Variants in FAM135B observed in about 807,000 individuals in gnomAD.
The protein encoded by FAM135B is family with sequence similarity 135 member B.
Under a neutral mutation model 127.7 loss-of-function variants are expected in FAM135B, and 43 were observed. The ratio of observed to expected loss-of-function variants is 0.34; its 90% CI spans 0.26 to 0.43. The LOEUF is 0.43. Ranked by LOEUF, FAM135B falls within the 20% of genes least tolerant of loss-of-function variation. The pLI is 1.00. For missense variants in FAM135B, 1,558 were observed against 1,725.6 expected, an observed-to-expected ratio of 0.90 and a Z score of 1.72; for synonymous variants, 670 against 665.1, an observed-to-expected ratio of 1.01 and a Z score of -0.11.
chr8:138,276,287 T>C (rs1205778989), intron 3 of FAM135B, among the ~76,000 whole-genome samples: 1 of 152,196 alleles, frequency 6.6e-6, no homozygotes, highest in East Asian at 1.9e-4. Flanking sequence ...TAGTCGCAAT[T>C]GCAGCTAATC....
intron 1 of FAM135B, among the ~76,000 whole-genome samples, chr8:138,394,746 A>G (rs1832768144): frequency 6.6e-6 from 1 of 152,172 alleles, no homozygotes; most frequent in South Asian, 2.1e-4. Context: ...CTGAAGACAC[A>G]GGCTCAGACT....
At chr8:138,342,836 A>G (rs1829147655) in intron 2 of FAM135B, among the ~76,000 whole-genome samples, 1 of 152,212 alleles carries the variant, frequency 6.6e-6, no homozygotes, top group Non-Finnish European at 1.5e-5. Flanking sequence ...ATGTCAGCAC[A>G]CAAGCATGTA....
At chr8:138,227,225 A>G (rs998900963) in intron 7 of FAM135B, among the ~76,000 whole-genome samples, 3 of 152,228 alleles carry the variant, frequency 2.0e-5, no homozygotes, top group Non-Finnish European at 4.4e-5. Flanking sequence ...ATGGATGCTC[A>G]TCTTTGCCCT....
At chr8:138,167,439 G>C (rs1486502389) in intron 12 of FAM135B, among the ~76,000 whole-genome samples, 1 of 152,104 alleles carries the variant, frequency 6.6e-6, no homozygotes, top group African/African-American at 2.4e-5. Context: ...CAGTTGATCT[G>C]CCCACCTCGG....
chr8:138,488,736 G>A (rs1486375604), intron 1 of FAM135B, among the ~76,000 whole-genome samples: 9 of 152,022 alleles, frequency 5.9e-5, no homozygotes, highest in African/African-American at 9.7e-5. Flanking sequence ...GTGCAATCTC[G>A]GCTCACTGCA....
At chr8:138,399,276 A>G (rs906610574) in intron 1 of FAM135B, among the ~76,000 whole-genome samples, 3 of 152,162 alleles carry the variant, frequency 2.0e-5, no homozygotes, top group African/African-American at 7.2e-5. Context: ...CAGCAACCCT[A>G]TAAGATGTGA....
chr8:138,494,212 C>G (rs1208350813), intron 1 of FAM135B, among the ~76,000 whole-genome samples: 1 of 152,240 alleles, frequency 6.6e-6, no homozygotes, highest in Non-Finnish European at 1.5e-5. Flanking sequence ...GCCACACAGA[C>G]CGAGATGGCA....
intron 5 of FAM135B, among the ~76,000 whole-genome samples, chr8:138,255,484 C>G (rs1822008643): frequency 6.6e-6 from 1 of 152,180 alleles, no homozygotes; most frequent in South Asian, 2.1e-4. Context: ...GTGCTCAACT[C>G]ATTCTGCAAA....
chr8:138,281,813 T>A (rs1033804964), intron 3 of FAM135B, among the ~76,000 whole-genome samples: 7 of 152,170 alleles, frequency 4.6e-5, no homozygotes, highest in Admixed American at 2.0e-4. Context: ...TTTTAAAAAA[T>A]TTTTAAATTA....
chr8:138,387,610 G>A (rs1388047911), intron 1 of FAM135B, among the ~76,000 whole-genome samples: 1 of 152,110 alleles, frequency 6.6e-6, no homozygotes, highest in Non-Finnish European at 1.5e-5. Flanking sequence ...ATTTCTTGGA[G>A]CTCCTGTTAT....
At chr8:138,452,838 T>G (rs1398337305) in intron 1 of FAM135B, among the ~76,000 whole-genome samples, 1 of 152,110 alleles carries the variant, frequency 6.6e-6, no homozygotes, top group African/African-American at 2.4e-5. Context: ...TGGTGGCAGG[T>G]GCCCTAGTTT....
At chr8:138,317,089 T>C (rs1489035263) in intron 2 of FAM135B, among the ~76,000 whole-genome samples, 2 of 152,066 alleles carry the variant, frequency 1.3e-5, no homozygotes, top group Non-Finnish European at 2.9e-5. Context: ...TTGTTCAAAA[T>C]GTTTAGAGAA....
In FAM135B at chr8:138,137,319, C is replaced by T. The variant is rs1278394791; in HGVS notation, c.3902-59G>A. On this transcript the variant is annotated intron_variant, in intron 18 of 19. Transcript: ENST00000395297. ...CAGGTAGTTTCAACTTCAACACCCTCTGGAAATTTGCACAAATTTCCAGAC... is the reference window on the plus strand; with the variant it reads ...CAGGTAGTTTCAACTTCAACACCCTTTGGAAATTTGCACAAATTTCCAGAC... 1.7e-5 allele frequency: 16 copies of T among 946,032 alleles called. No homozygotes were observed. The East Asian group carries it at 3.8e-4, about 23-fold the overall frequency. 58.6% of individuals were successfully genotyped at this position (946,032 alleles called of 1,614,324 possible).
At chr8:138,331,276 C>A (rs139581850) in intron 2 of FAM135B, among the ~76,000 whole-genome samples, 1 of 152,300 alleles carries the variant, frequency 6.6e-6, no homozygotes, top group East Asian at 1.9e-4. Flanking sequence ...ATTTCGTCAT[C>A]TGACTCAGGC....
Position 138,417,054 on chromosome 8 carries a change from C to A in FAM135B, c.-19-49052G>T, listed in dbSNP as rs564528653. Among the ~76,000 whole-genome samples, 7 of 152,302 alleles carry A rather than the reference C, an allele frequency of 4.6e-5. No individual in the cohort carries two copies. In the South Asian group the frequency reaches 1.0e-3, roughly 23 times the overall value. On this transcript the variant is annotated intron_variant, in intron 1 of 19. Transcript: ENST00000395297. ...ATGGCAGAGACAGAACTCCAGCCTG[C>A]ATGTAGCTTAGAGAATATGGCTTGG...
intron 1 of FAM135B, among the ~76,000 whole-genome samples, chr8:138,467,615 A>T (rs906803427): frequency 1.3e-5 from 2 of 152,202 alleles, no homozygotes; most frequent in Admixed American, 1.3e-4. Flanking sequence ...CTTTGAGAAA[A>T]CAATCAGACA....
At chr8:138,496,624 C>T (rs932241784) in intron 1 of FAM135B, 47 bp downstream of exon 1, 2 of 152,294 alleles carry the variant, frequency 1.3e-5, no homozygotes, top group African/African-American at 2.4e-5. Flanking sequence ...TCACTACCAC[C>T]GACGAGAGAG....
intron 2 of FAM135B, among the ~76,000 whole-genome samples, chr8:138,360,862 G>A (rs1236366766): frequency 6.6e-6 from 1 of 151,844 alleles, no homozygotes; most frequent in Non-Finnish European, 1.5e-5. Context: ...GGTCTCCTAA[G>A]CCCCTCAACC....
chr8:138,323,033 C>T (rs949386249), intron 2 of FAM135B, among the ~76,000 whole-genome samples: 3 of 152,220 alleles, frequency 2.0e-5, no homozygotes, highest in Non-Finnish European at 4.4e-5. Context: ...ATGAACCATT[C>T]TGTTGCATTT....
Sources: gnomAD v4.1 joint callset for allele counts (sites outside exome capture counted in the v4.1 genomes callset) on GRCh38, gnomAD v4.1.1 for gene constraint, MANE v1.5 for transcripts, NCBI Gene and HGNC (gene_info 2026-07-23, HGNC 2026-07-21) for gene names.